The following CLASP2 variants were observed in gnomAD, a reference collection of about 807,000 sequenced individuals.
CLASP2 encodes CLIP-associating protein 2.
Under a neutral mutation model 194.4 loss-of-function variants are expected in CLASP2, and 47 were observed. The ratio of observed to expected loss-of-function variants is 0.24; its 90% CI spans 0.19 to 0.31. The LOEUF (loss-of-function observed/expected upper bound fraction) is 0.31. Among genes scored for constraint, CLASP2 ranks in the 10% least tolerant of loss-of-function variants. The pLI, the probability that CLASP2 is intolerant of heterozygous loss-of-function variation, is 1.00. For missense variants in CLASP2, 1,445 were observed against 1,823.6 expected, an observed-to-expected ratio of 0.79 and a Z score of 3.78; for synonymous variants, 619 against 633.5, an observed-to-expected ratio of 0.98 and a Z score of 0.34.
chr3:33,618,157 G>A (rs982456489), intron 12 of CLASP2, among the ~76,000 whole-genome samples: 49 of 151,348 alleles, frequency 3.2e-4, no homozygotes, highest in African/African-American at 1.0e-3. Flanking sequence ...CATGTTGGTC[G>A]GGCTGGTCTC....
chr3:33,540,029 A>AGCCTCAGCCTC, intron 32 of CLASP2, among the ~76,000 whole-genome samples: 1 of 150,394 alleles, frequency 6.6e-6, no homozygotes, highest in Non-Finnish European at 1.5e-5. Flanking sequence ...GCGATTCTCC[A>AGCCTCAGCCTC]GCCTCAGCCT....
intron 21 of CLASP2, among the ~76,000 whole-genome samples, chr3:33,589,511 T>C (rs1241343289): frequency 6.6e-6 from 1 of 152,092 alleles, no homozygotes; most frequent in Admixed American, 6.5e-5. Context: ...AATTACATAA[T>C]ACCTTTTTTA....
chr3:33,548,251 TAC>T (rs1163440387), intron 30 of CLASP2, among the ~76,000 whole-genome samples: 1 of 152,270 alleles, frequency 6.6e-6, no homozygotes, highest in Admixed American at 6.5e-5. Context: ...ATCAAATACT[TAC>T]AGATTTTTAA....
At chr3:33,699,343 A>C (rs2092202614) in intron 1 of CLASP2, among the ~76,000 whole-genome samples, 1 of 152,152 alleles carries the variant, frequency 6.6e-6, no homozygotes, top group South Asian at 2.1e-4. Flanking sequence ...AAAAATAATG[A>C]AAGGCATCAA....
At chr3:33,667,622 T>G (rs2086435689) in intron 6 of CLASP2, among the ~76,000 whole-genome samples, 1 of 152,252 alleles carries the variant, frequency 6.6e-6, no homozygotes, top group South Asian at 2.1e-4. Context: ...TTATTTTGGC[T>G]CTTACATTTG....
At chr3:33,505,224 T>TAAA (rs1383650071) in intron 37 of CLASP2, 2 of 133,286 alleles carry the variant, frequency 1.5e-5, no homozygotes, top group African/African-American at 3.0e-5. Flanking sequence ...ATGCCAGAGA[T>TAAA]AAAAACAACA....
chr3:33,539,921 T>C (rs2058053315), intron 32 of CLASP2, among the ~76,000 whole-genome samples: 2 of 140,720 alleles, frequency 1.4e-5, no homozygotes, highest in South Asian at 4.3e-4. Flanking sequence ...GAATATAATT[T>C]TTTTTTTTTT....
At chr3:33,573,529 G>C (rs2064200221) in intron 24 of CLASP2, 175 bp from the exon 25 acceptor site, 4 of 711,668 alleles carry the variant, frequency 5.6e-6, no homozygotes, top group Non-Finnish European at 9.8e-6. Flanking sequence ...ACAAGTTTTA[G>C]AAGTTAGTAG....
chr3:33,644,625 T>C (rs1265534212), intron 8 of CLASP2, 132 bp downstream of exon 8: 1 of 902,648 alleles, frequency 1.1e-6, no homozygotes, highest in East Asian at 2.6e-5. Context: ...TTCTTCTGAA[T>C]GTTGCAACAG....
chr3:33,521,448 G>C (rs949973668), intron 34 of CLASP2, among the ~76,000 whole-genome samples: 1 of 152,158 alleles, frequency 6.6e-6, no homozygotes, highest in Non-Finnish European at 1.5e-5. Context: ...GCAATGAAAA[G>C]AATGCACCAT....
intron 13 of CLASP2, 76 bp from the exon 14 acceptor site, chr3:33,608,702 C>T: frequency 1.3e-6 from 1 of 752,372 alleles, no homozygotes; most frequent in South Asian, 1.8e-5. Flanking sequence ...TACTACTACA[C>T]TTTGCCCCCT....
chr3:33,678,445 A>G lies in CLASP2; in HGVS notation c.644+5914T>C, dbSNP rs185331218. ...CATCCCACTTCTCCTTGTGCAAGCA[A>G]GAAGAAAGTGAAGTGAAATATTTAA... On this transcript the variant is annotated intron_variant, in intron 6 of 38. Coordinates refer to ENST00000682230, the MANE Select transcript of CLASP2 (RefSeq NM_001365631.1). Among the ~76,000 whole-genome samples, 541 of 152,318 alleles carry G rather than the reference A, an allele frequency of 3.6e-3. 3 individuals are homozygous for G. Among genetic ancestry groups the G allele is most frequent in the Admixed American group, 4.7e-3 (72 of 15,306 alleles).
At chr3:33,559,503 G>C in intron 28 of CLASP2, 118 bp from the exon 29 acceptor site, 2 of 645,962 alleles carry the variant, frequency 3.1e-6, no homozygotes, top group East Asian at 2.7e-5. Context: ...CCATGAAGTA[G>C]TATCTGCATG....
intron 34 of CLASP2, among the ~76,000 whole-genome samples, chr3:33,530,103 C>G (rs1005185154): frequency 2.7e-5 from 4 of 149,356 alleles, no homozygotes; most frequent in Admixed American, 2.0e-4. Flanking sequence ...CCGAATGAGG[C>G]TGTTTTACAA....
chr3:33,651,442 C>T (rs978320498), intron 7 of CLASP2, among the ~76,000 whole-genome samples: 3 of 151,222 alleles, frequency 2.0e-5, no homozygotes, highest in Admixed American at 6.6e-5. Flanking sequence ...TAGGGTGCTG[C>T]CCCAAGCCCA....
At position 33,622,833 on chromosome 3, in the gene CLASP2, T is replaced by C. The variant is rs182657532; in HGVS notation, c.1036-553A>G. 2.6e-5 allele frequency among the ~76,000 whole-genome samples: 4 copies of C among 151,062 alleles called. No individual in the cohort carries two copies. In the East Asian group the frequency reaches 7.8e-4, roughly 30 times the overall value. ...ACATTTTTTTTTTTTTTTGAGACAG[T>C]GTCTTGCTCTGTTGCCCAGGCTGGA... On this transcript the variant is annotated intron_variant, in intron 10 of 38. Coordinates refer to ENST00000682230, the MANE Select transcript of CLASP2 (RefSeq NM_001365631.1).
chr3:33,663,847 A>G (rs1245341633), intron 6 of CLASP2, among the ~76,000 whole-genome samples: 2 of 152,156 alleles, frequency 1.3e-5, no homozygotes, highest in Non-Finnish European at 2.9e-5. Context: ...TAATAAGTCT[A>G]CTCAGTCACC....
chr3:33,710,867 G>A (rs543418817), intron 1 of CLASP2, among the ~76,000 whole-genome samples: 38 of 152,240 alleles, frequency 2.5e-4, no homozygotes, highest in Middle Eastern at 3.4e-3. Context: ...CCCGGGAGGC[G>A]GATGTTGCAG....
At chr3:33,500,620 T>C (rs940899906) in intron 38 of CLASP2, among the ~76,000 whole-genome samples, 1 of 152,196 alleles carries the variant, frequency 6.6e-6, no homozygotes, top group Non-Finnish European at 1.5e-5. Flanking sequence ...TTTCTTAAGA[T>C]GAGATTTTAC....
Sources: allele counts gnomAD v4.1 joint callset (sites outside exome capture counted in the v4.1 genomes callset), GRCh38; gene constraint gnomAD v4.1.1; transcripts MANE v1.5; gene names NCBI Gene and HGNC (gene_info 2026-07-23, HGNC 2026-07-21).